STAG1: variants seen among roughly 807,000 people sequenced by gnomAD.
STAG1 encodes the protein STAG1 cohesin complex component, also known as cohesin subunit SA-1.
In STAG1, 26 loss-of-function variants were observed where a neutral mutation model predicts 170.9. The ratio of observed to expected loss-of-function variants is 0.15; its 90% CI spans 0.11 to 0.21. STAG1 has a LOEUF of 0.21. Among genes scored for constraint, STAG1 ranks in the 10% least tolerant of loss-of-function variants. STAG1 has a pLI of 1.00. For synonymous variants in STAG1, 514 were observed against 497.7 expected (o/e 1.03, Z -0.44); for missense variants, 964 against 1,509.5 (o/e 0.64, Z 5.99).
At chr3:136,486,129 A>C (rs1028238752) in intron 9 of STAG1, among the ~76,000 whole-genome samples, 3 of 152,222 alleles carry the variant, frequency 2.0e-5, no homozygotes, top group Non-Finnish European at 2.9e-5. Flanking sequence ...AAAATGCTCC[A>C]CATGTAGTAG....
rs1322193044 is a variant in STAG1, at chr3:136,512,750, C to A, written c.676+8463G>T. On this transcript the variant is annotated intron_variant, in intron 7 of 33. Transcript: ENST00000383202. ...TTGAGGATCTATAAAAAAAAAAAAA[C>A]TAACTGACCACCAGACTGCTCGATA... Among the ~76,000 whole-genome samples the A allele has an allele frequency of 5.7e-5, 8 of 140,192 alleles. No individual in the cohort carries two copies. The East Asian group carries it at 1.2e-3, about 21-fold the overall frequency. The allele number at this position is 140,192 out of a possible 152,430, so 92.0% of individuals were successfully genotyped here. A position where few individuals can be genotyped will look rare whatever the true frequency, so the allele number is the denominator to read the frequency against.
chr3:136,544,916 T>C lies in STAG1; in HGVS notation c.395-2721A>G, dbSNP rs886651348. On this transcript the variant is annotated intron_variant, in intron 5 of 33. Coordinates refer to ENST00000383202, the MANE Select transcript of STAG1 (RefSeq NM_005862.3). ...GCTTTCTAAGTAATTGCTCCATGTATAAATCATTTTAAAGCTCTTCTTTTA... is the reference window on the plus strand; with the variant it reads ...GCTTTCTAAGTAATTGCTCCATGTACAAATCATTTTAAAGCTCTTCTTTTA... Among the ~76,000 whole-genome samples the C allele has an allele frequency of 6.6e-5, 10 of 152,204 alleles. 1 individual carries two copies. In the East Asian group the frequency reaches 9.6e-4, roughly 15 times the overall value.
chr3:136,485,281 C>T (rs1480310476), intron 9 of STAG1, among the ~76,000 whole-genome samples: 1 of 152,070 alleles, frequency 6.6e-6, no homozygotes, highest in Non-Finnish European at 1.5e-5. Flanking sequence ...CATGGTGAAA[C>T]ACCATCTCTA....
intron 4 of STAG1, among the ~76,000 whole-genome samples, chr3:136,589,579 G>A (rs188738070): frequency 6.2e-4 from 92 of 148,612 alleles, no homozygotes; most frequent in African/African-American, 2.3e-3. Flanking sequence ...GGAGGTTGCA[G>A]TGAGCCAAGA....
rs976017260 is a variant in STAG1 at position 136,472,485 on chromosome 3, A to G, written c.1133T>C (p.Ile378Thr). The G allele has an allele frequency of 1.2e-6, 2 of 1,611,522 alleles. No individual in the cohort carries two copies. The highest frequency in any genetic ancestry group is 8.5e-7 in the Non-Finnish European group (1 of 1,178,550). ...ELFTNRFKDR[I>T]VSMTLDKEYD... ...TTCTTTATCAAGTGTCATTGATACA[A>G]TGCGATCCTGAGAAAAAAAAGTTGT... is the stretch of plus-strand genomic sequence containing the variant. Residue 378 changes from isoleucine to threonine, a missense_variant, in exon 12 of 34, where the codon ATT (isoleucine) becomes ACT (threonine). Physicochemically the swap from Ile to Thr is moderately conservative, Grantham distance 89. Coordinates refer to ENST00000383202, the MANE Select transcript of STAG1 (RefSeq NM_005862.3).
intron 3 of STAG1, among the ~76,000 whole-genome samples, chr3:136,611,845 G>A (rs1293868847): frequency 1.3e-5 from 2 of 150,790 alleles, no homozygotes; most frequent in Non-Finnish European, 3.0e-5. Flanking sequence ...AAGGTTATGT[G>A]TGGAATTTTT....
chr3:136,609,844 T>C (rs951822537), intron 3 of STAG1, among the ~76,000 whole-genome samples: 2 of 152,140 alleles, frequency 1.3e-5, no homozygotes, highest in African/African-American at 4.8e-5. Flanking sequence ...TGAATTGTTG[T>C]CGGAGGCTTT....
chr3:136,749,583 T>C (rs1935123201), intron 1 of STAG1, among the ~76,000 whole-genome samples: 1 of 151,812 alleles, frequency 6.6e-6, no homozygotes, highest in Non-Finnish European at 1.5e-5. Flanking sequence ...CCGTCTCCAC[T>C]AAAAATATAA....
chr3:136,447,324 C>G (rs980468032), intron 14 of STAG1, among the ~76,000 whole-genome samples: 13 of 151,654 alleles, frequency 8.6e-5, no homozygotes, highest in Admixed American at 2.6e-4. Context: ...ACAAAAATTG[C>G]TGGGTGTGGT....
At chr3:136,717,031 T>C (rs749895808) in intron 1 of STAG1, among the ~76,000 whole-genome samples, 53 of 152,242 alleles carry the variant, frequency 3.5e-4, no homozygotes, top group Admixed American at 7.2e-4. Flanking sequence ...TTTACATAAA[T>C]GGTTTATAAC....
intron 13 of STAG1, among the ~76,000 whole-genome samples, chr3:136,458,589 C>T (rs2089185417): frequency 6.6e-6 from 1 of 151,892 alleles, no homozygotes; most frequent in Non-Finnish European, 1.5e-5. Flanking sequence ...AAAAGGAAGA[C>T]AGTGAGAGAG....
intron 1 of STAG1, among the ~76,000 whole-genome samples, chr3:136,736,334 CA>C (rs1934332311): frequency 6.6e-6 from 1 of 151,762 alleles, no homozygotes. Context: ...TTTCAATGCA[CA>C]AAAGAATTAC....
intron 13 of STAG1, among the ~76,000 whole-genome samples, chr3:136,463,714 T>TAAAA: frequency 7.9e-6 from 1 of 126,154 alleles, no homozygotes; most frequent in East Asian, 2.5e-4. Context: ...CCCATCTCTC[T>TAAAA]AAAAAAAAAA....
chr3:136,655,875 G>A (rs1297188632), intron 1 of STAG1, among the ~76,000 whole-genome samples: 1 of 152,024 alleles, frequency 6.6e-6, no homozygotes, highest in African/African-American at 2.4e-5. Flanking sequence ...TGTTTCCTCA[G>A]AAAATTAAGA....
intron 13 of STAG1, among the ~76,000 whole-genome samples, 174 bp downstream of exon 13, chr3:136,464,707 C>T (rs1168505670): frequency 6.6e-6 from 1 of 152,194 alleles, no homozygotes; most frequent in East Asian, 1.9e-4. Context: ...ACAGCATCCT[C>T]AAGGCTGTGA....
chr3:136,340,263 C>T (rs982120367), intron 32 of STAG1, among the ~76,000 whole-genome samples: 1 of 152,102 alleles, frequency 6.6e-6, no homozygotes, highest in African/African-American at 2.4e-5. Context: ...GCTGGGATTA[C>T]GGGCACGTGC....
chr3:136,747,490 A>C (rs1398597661), intron 1 of STAG1, among the ~76,000 whole-genome samples: 1 of 151,996 alleles, frequency 6.6e-6, no homozygotes, highest in East Asian at 1.9e-4. Flanking sequence ...GTAGTTTGAG[A>C]CCAGCCTAGG....
intron 13 of STAG1, among the ~76,000 whole-genome samples, chr3:136,452,555 GA>G (rs796971118): frequency 2.3e-3 from 288 of 124,874 alleles, no homozygotes; most frequent in African/African-American, 3.2e-3. Context: ...CAGAGACTCC[GA>G]AAAAAAAAAA....
intron 3 of STAG1, among the ~76,000 whole-genome samples, chr3:136,606,752 T>C (rs978104597): frequency 2.8e-5 from 4 of 143,360 alleles, no homozygotes; most frequent in African/African-American, 1.1e-4. Context: ...GTAACATGCT[T>C]TTTTTTTTTT....
Sources: gnomAD v4.1 joint callset for allele counts (sites outside exome capture counted in the v4.1 genomes callset) on GRCh38, gnomAD v4.1.1 for gene constraint, MANE v1.5 for transcripts, NCBI Gene and HGNC (gene_info 2026-07-23, HGNC 2026-07-21) for gene names.